The following MDGA2 variants were observed in gnomAD, a reference collection of about 807,000 sequenced individuals.
MDGA2 encodes MAM domain-containing glycosylphosphatidylinositol anchor protein 2.
Under a neutral mutation model 117.8 loss-of-function variants are expected in MDGA2, and 40 were observed. The ratio of observed to expected loss-of-function variants is 0.34; its 90% confidence interval spans 0.26 to 0.44. MDGA2 has a LOEUF of 0.44. MDGA2 is among the 20% of genes least tolerant of loss of function. MDGA2 has a pLI of 1.00. For missense variants in MDGA2, 1,123 were observed against 1,250.6 expected (o/e 0.90, Z 1.54); for synonymous variants, 452 against 439.0 (o/e 1.03, Z -0.37).
At chr14:47,626,238 AATCAT>A (rs1337082918) in intron 1 of MDGA2, 1 of 152,252 alleles carries the variant, frequency 6.6e-6, no homozygotes, top group African/African-American at 2.4e-5. Flanking sequence ...TTGGTAAACT[AATCAT>A]ATCATTAAAA....
At chr14:46,919,922 G>T in intron 10 of MDGA2, 90 bp downstream of exon 10, 2 of 1,152,028 alleles carry the variant, frequency 1.7e-6, no homozygotes, top group Non-Finnish European at 2.4e-6. Flanking sequence ...AATATATTTT[G>T]GAATTCATGC....
intron 10 of MDGA2, among the ~76,000 whole-genome samples, chr14:46,885,067 C>CA (rs1566507543): frequency 1.3e-5 from 2 of 151,918 alleles, no homozygotes; most frequent in East Asian, 3.9e-4. Context: ...AGGCTGGTCT[C>CA]AAACTCTTGA....
intron 2 of MDGA2, among the ~76,000 whole-genome samples, chr14:47,266,114 A>G (rs1887957467): frequency 6.6e-6 from 1 of 152,134 alleles, no homozygotes; most frequent in Non-Finnish European, 1.5e-5. Flanking sequence ...GGACAAAGAG[A>G]TGTAGTTTAA....
intron 3 of MDGA2, among the ~76,000 whole-genome samples, chr14:47,173,753 A>G (rs1476196291): frequency 6.6e-6 from 1 of 151,610 alleles, no homozygotes; most frequent in African/African-American, 2.4e-5. Flanking sequence ...AACGAGCAAA[A>G]TAACCAGCTA....
intron 1 of MDGA2, among the ~76,000 whole-genome samples, chr14:47,410,070 A>T (rs1444441464): frequency 6.6e-6 from 1 of 152,198 alleles, no homozygotes; most frequent in Admixed American, 6.5e-5. Context: ...TACTAACAAG[A>T]GCCAACTACC....
intron 8 of MDGA2, among the ~76,000 whole-genome samples, chr14:46,983,554 G>A (rs1886760593): frequency 6.6e-6 from 1 of 152,068 alleles, no homozygotes; most frequent in African/African-American, 2.4e-5. Context: ...AAGTGCCACT[G>A]GAGAATTAAA....
chr14:47,630,204 A>G (rs1366855931), intron 1 of MDGA2, among the ~76,000 whole-genome samples: 1 of 152,230 alleles, frequency 6.6e-6, no homozygotes, highest in African/African-American at 2.4e-5. Context: ...ATGAACACAT[A>G]GACAAAAGCC....
chr14:47,509,254 G>A (rs1894587268), intron 1 of MDGA2, among the ~76,000 whole-genome samples: 1 of 152,320 alleles, frequency 6.6e-6, no homozygotes, highest in East Asian at 1.9e-4. Context: ...GAGATGGGAT[G>A]GGATAGTATT....
At chr14:47,655,993 G>C (rs2138280189) in intron 1 of MDGA2, among the ~76,000 whole-genome samples, 1 of 152,282 alleles carries the variant, frequency 6.6e-6, no homozygotes, top group Admixed American at 6.5e-5. Context: ...AGCCACTGAA[G>C]GTTTTTCAGC....
At chr14:46,970,553 A>G (rs1886223087) in intron 8 of MDGA2, among the ~76,000 whole-genome samples, 2 of 152,158 alleles carry the variant, frequency 1.3e-5, no homozygotes, top group Admixed American at 1.3e-4. Context: ...CCAAGATGGA[A>G]TAAAGACTTA....
chr14:47,233,039 G>T (rs1886743327), intron 2 of MDGA2, among the ~76,000 whole-genome samples: 1 of 152,092 alleles, frequency 6.6e-6, no homozygotes, highest in Non-Finnish European at 1.5e-5. Flanking sequence ...GAAAGTAACT[G>T]CTATTATAAA....
intron 3 of MDGA2, chr14:47,200,501 T>G: frequency 1.7e-6 from 1 of 580,576 alleles, no homozygotes; most frequent in South Asian, 3.2e-5. Context: ...ACTTCCCTTT[T>G]TCTATTTTTC....
intron 1 of MDGA2, among the ~76,000 whole-genome samples, chr14:47,488,721 G>A (rs796302646): frequency 3.3e-5 from 5 of 152,080 alleles, no homozygotes; most frequent in African/African-American, 9.6e-5. Context: ...ATAAAAGCAG[G>A]CCATGTATGG....
chr14:46,967,149 C>A (rs1886067908), intron 8 of MDGA2, among the ~76,000 whole-genome samples: 1 of 151,884 alleles, frequency 6.6e-6, no homozygotes, highest in Non-Finnish European at 1.5e-5. Context: ...GAGTGTGAGA[C>A]AATGGACGTT....
intron 8 of MDGA2, among the ~76,000 whole-genome samples, chr14:47,006,707 T>C (rs568325025): frequency 1.4e-3 from 205 of 151,728 alleles, no homozygotes; most frequent in Non-Finnish European, 2.5e-3. Context: ...GAAATGGACA[T>C]TGAACTTTTA....
intron 1 of MDGA2, among the ~76,000 whole-genome samples, chr14:47,529,004 C>CT (rs1322029009): frequency 1.7e-4 from 10 of 58,056 alleles, no homozygotes; most frequent in African/African-American, 3.0e-4. Context: ...AAACTTTAAA[C>CT]TTTTTTTTTT....
At chr14:46,875,560 T>C (rs1882192481) in intron 12 of MDGA2, among the ~76,000 whole-genome samples, 1 of 151,728 alleles carries the variant, frequency 6.6e-6, no homozygotes, top group Admixed American at 6.6e-5. Context: ...CACATATTTA[T>C]GTCACAGACC....
intron 1 of MDGA2, among the ~76,000 whole-genome samples, chr14:47,484,655 T>C (rs1367405736): frequency 6.6e-6 from 1 of 152,184 alleles, no homozygotes; most frequent in Non-Finnish European, 1.5e-5. Flanking sequence ...CTAAATCTCA[T>C]CTTGTAGCTC....
chr14:47,125,010 AT>A (rs1385654794), intron 5 of MDGA2, among the ~76,000 whole-genome samples: 9 of 152,106 alleles, frequency 5.9e-5, no homozygotes, highest in African/African-American at 2.2e-4. Flanking sequence ...TATACCATCT[AT>A]TTTCACAAAC....
Sources: gnomAD v4.1 joint callset for allele counts (sites outside exome capture counted in the v4.1 genomes callset) on GRCh38, gnomAD v4.1.1 for gene constraint, MANE v1.5 for transcripts, NCBI Gene and HGNC (gene_info 2026-07-23, HGNC 2026-07-21) for gene names.